IGF2BP2: variants seen among roughly 807,000 people sequenced by gnomAD.
IGF2BP2 encodes insulin-like growth factor 2 mRNA-binding protein 2.
IGF2BP2 carries 17 observed loss-of-function variants against 75.8 expected under a neutral mutation model. That is an observed-to-expected ratio of 0.22 (90% CI 0.15 to 0.34). The LOEUF is 0.34. IGF2BP2 is among the 10% of genes least tolerant of loss of function. IGF2BP2 has a pLI of 1.00. For synonymous variants in IGF2BP2, 288 were observed against 295.6 expected (o/e 0.97, Z 0.26); for missense variants, 516 against 772.4 (o/e 0.67, Z 3.93).
In IGF2BP2 at chr3:185,791,687, GAA is replaced by G. The variant is rs550486238; in HGVS notation, c.239+31464_239+31465del. The stretch of plus-strand genomic sequence containing the variant: ...CAAGGGGGTTCATCTTTAGTAGGAA[GAA>G]GAGAGAGAAGACAATGGAATACTTT... On this transcript the variant is annotated intron_variant, in intron 2 of 15. Transcript: ENST00000382199. 7.4e-3 allele frequency among the ~76,000 whole-genome samples: 1,129 copies of G among 152,316 alleles called. 13 individuals carry two copies. Among genetic ancestry groups the G allele is most frequent in the African/African-American group, 0.026 (1,083 of 41,556 alleles).
chr3:185,692,665 A>G, intron 5 of IGF2BP2, 34 bp downstream of exon 5: 1 of 1,521,840 alleles, frequency 6.6e-7, no homozygotes, highest in South Asian at 1.2e-5. Flanking sequence ...AAAAACAAAT[A>G]AATTTAAACA....
chr3:185,760,848 A>C (rs560878991), intron 2 of IGF2BP2, among the ~76,000 whole-genome samples: 3 of 152,164 alleles, frequency 2.0e-5, no homozygotes, highest in Non-Finnish European at 4.4e-5. Flanking sequence ...TTGCTGCCCA[A>C]CTTTAATAAC....
At chr3:185,731,976 C>T (rs890256416) in intron 2 of IGF2BP2, among the ~76,000 whole-genome samples, 13 of 151,392 alleles carry the variant, frequency 8.6e-5, no homozygotes, top group East Asian at 3.9e-4. Context: ...AGCGAGACTC[C>T]GTCTCAAAAA....
chr3:185,783,132 A>G (rs536760458), intron 2 of IGF2BP2, among the ~76,000 whole-genome samples: 1 of 152,346 alleles, frequency 6.6e-6, no homozygotes, highest in Admixed American at 6.5e-5. Context: ...AGGTTATCAT[A>G]TATATGATTC....
At chr3:185,809,750 T>C (rs933142718) in intron 2 of IGF2BP2, among the ~76,000 whole-genome samples, 26 of 152,034 alleles carry the variant, frequency 1.7e-4, no homozygotes, top group Non-Finnish European at 3.5e-4. Flanking sequence ...ATTCTGAAAA[T>C]ACAGACGAAA....
chr3:185,702,925 C>T (rs1223858868), intron 2 of IGF2BP2, among the ~76,000 whole-genome samples: 2 of 152,148 alleles, frequency 1.3e-5, no homozygotes, highest in Non-Finnish European at 2.9e-5. Flanking sequence ...TGAAGTCAAG[C>T]GAAGGGTGCT....
chr3:185,780,214 C>G (rs113939069), intron 2 of IGF2BP2, among the ~76,000 whole-genome samples: 2 of 151,894 alleles, frequency 1.3e-5, no homozygotes, highest in Non-Finnish European at 2.9e-5. Flanking sequence ...GAGAAAAGGT[C>G]TGGAAAGACA....
intron 2 of IGF2BP2, among the ~76,000 whole-genome samples, chr3:185,777,975 T>A (rs915902535): frequency 2.0e-5 from 3 of 150,554 alleles, no homozygotes; most frequent in Admixed American, 1.3e-4. Flanking sequence ...ACCCAGGAGG[T>A]GGAGGTTGCA....
At position 185,716,177 on chromosome 3, in the gene IGF2BP2, AC is replaced by A. The variant is rs986034540; in HGVS notation, c.240-17831del. ...TTGAATAACATGATTAAAAAAAAAA[AC>A]ACCAGAACTTTTATTTTTTTAGTAC... On this transcript the variant is annotated intron_variant, in intron 2 of 15. Transcript: ENST00000382199. 9.6e-4 allele frequency among the ~76,000 whole-genome samples: 146 copies of A among 152,088 alleles called. 1 individual carries two copies. Among genetic ancestry groups the A allele is most frequent in the African/African-American group, 3.3e-3 (137 of 41,498 alleles).
chr3:185,753,365 G>A (rs1017718136), intron 2 of IGF2BP2, among the ~76,000 whole-genome samples: 1 of 152,166 alleles, frequency 6.6e-6, no homozygotes, highest in African/African-American at 2.4e-5. Context: ...CTCAAAGCAT[G>A]TGGTCTTTCA....
intron 8 of IGF2BP2, 113 bp downstream of exon 8, chr3:185,675,678 C>T: frequency 2.3e-6 from 3 of 1,323,348 alleles, no homozygotes; most frequent in Non-Finnish European, 3.1e-6. Context: ...GAGATAATTG[C>T]ATCACTTATG....
At chr3:185,795,608 G>A (rs1737260744) in intron 2 of IGF2BP2, among the ~76,000 whole-genome samples, 1 of 152,194 alleles carries the variant, frequency 6.6e-6, no homozygotes, top group South Asian at 2.1e-4. Flanking sequence ...GAAGCCAGAA[G>A]CAGTGGGTCA....
chr3:185,689,858 C>T (rs1309094410), intron 5 of IGF2BP2, among the ~76,000 whole-genome samples: 3 of 150,636 alleles, frequency 2.0e-5, no homozygotes, highest in African/African-American at 7.3e-5. Flanking sequence ...GTCCCAGCTA[C>T]TTGGGAGGCT....
At position 185,784,422 on chromosome 3, in the gene IGF2BP2, C is replaced by A. The variant is rs181018696; in HGVS notation, c.239+38731G>T. Among the ~76,000 whole-genome samples the A allele has an allele frequency of 2.7e-3, 417 of 152,290 alleles. 2 individuals are homozygous for A. The highest frequency in any genetic ancestry group is 9.0e-3 in the African/African-American group (374 of 41,568). On this transcript the variant is annotated intron_variant, in intron 2 of 15. Coordinates refer to ENST00000382199, the MANE Select transcript of IGF2BP2 (RefSeq NM_006548.6). ...GGATCTCTAGGAAGTTCCCTCAGCA[C>A]TCAGAATGGAATGGCTCATCCCACC...
intron 2 of IGF2BP2, among the ~76,000 whole-genome samples, chr3:185,704,140 C>T (rs1022102743): frequency 4.6e-5 from 7 of 152,160 alleles, no homozygotes; most frequent in Admixed American, 4.6e-4. Flanking sequence ...TTCTGAGCTC[C>T]ATCAGATGAT....
chr3:185,676,039 T>G (rs920471960), intron 7 of IGF2BP2, 126 bp from the exon 8 acceptor site: 1 of 1,254,972 alleles, frequency 8.0e-7, no homozygotes, highest in African/African-American at 1.5e-5. Context: ...ATGATGGGAT[T>G]TGGGAGAGGT....
chr3:185,770,316 A>T (rs1313664188), intron 2 of IGF2BP2, among the ~76,000 whole-genome samples: 2 of 152,206 alleles, frequency 1.3e-5, no homozygotes, highest in Non-Finnish European at 2.9e-5. Flanking sequence ...ATATCTGGTG[A>T]TTTACGGGAA....
chr3:185,713,074 ATGTGTGTGTG>A (rs201252245), intron 2 of IGF2BP2, among the ~76,000 whole-genome samples: 7 of 144,486 alleles, frequency 4.8e-5, no homozygotes, highest in Admixed American at 3.5e-4. Flanking sequence ...ACAGATATGT[ATGTGTGTGTG>A]TGTGTGTGTG....
intron 2 of IGF2BP2, among the ~76,000 whole-genome samples, chr3:185,822,862 G>A (rs996413999): frequency 1.3e-5 from 2 of 151,702 alleles, no homozygotes; most frequent in African/African-American, 4.8e-5. Flanking sequence ...AGGTGGGGGT[G>A]GGAGGCAATT....
Sources: allele counts gnomAD v4.1 joint callset (sites outside exome capture counted in the v4.1 genomes callset), GRCh38; gene constraint gnomAD v4.1.1; transcripts MANE v1.5; gene names NCBI Gene and HGNC (gene_info 2026-07-23, HGNC 2026-07-21).